The following CRACD variants were observed in gnomAD, a reference collection of about 807,000 sequenced individuals.
CRACD encodes capping protein inhibiting regulator of actin dynamics.
In CRACD, 56 loss-of-function variants were observed where a neutral mutation model predicts 106.8. The observed-to-expected ratio is 0.52, with a 90% CI of 0.42 to 0.66. The LOEUF is 0.66. CRACD is among the 30% of genes least tolerant of loss of function. The probability of loss-of-function intolerance (pLI) is 0.00; values close to 1 mark genes in which losing one functional copy is unlikely to be tolerated. For missense variants in CRACD, 1,730 were observed against 1,623.2 expected (o/e 1.07, Z -1.13); for synonymous variants, 754 against 670.8 (o/e 1.12, Z -1.92).
intron 1 of CRACD, among the ~76,000 whole-genome samples, chr4:56,050,953 CA>C (rs1348638621): frequency 1.3e-5 from 2 of 152,176 alleles, no homozygotes; most frequent in Admixed American, 1.3e-4. Flanking sequence ...GTGTGAGAAA[CA>C]AAAGCTAGCT....
intron 1 of CRACD, among the ~76,000 whole-genome samples, chr4:56,071,498 T>C (rs75484608): frequency 5.0e-5 from 5 of 100,684 alleles, no homozygotes; most frequent in African/African-American, 1.6e-4. Flanking sequence ...GTTGTATTTC[T>C]TTCTTTCTTT....
intron 2 of CRACD, among the ~76,000 whole-genome samples, chr4:56,189,573 G>T (rs1209417442): frequency 2.0e-5 from 2 of 100,010 alleles, no homozygotes. Flanking sequence ...AACAGTCCCT[G>T]GTGTGTGATG....
rs148034825 is a variant in CRACD at position 56,203,615 on chromosome 4, C to T, written c.-189+24185C>T. On this transcript the variant is annotated intron_variant, in intron 2 of 10. Coordinates refer to ENST00000682029, the MANE Select transcript of CRACD (RefSeq NM_001393381.1). ...TTGAGTAGTTTCTAACTCCTCAGCACTTTACTCTGGCATCCTCACCTCCAG... is the reference window on the plus strand; with the variant it reads ...TTGAGTAGTTTCTAACTCCTCAGCATTTTACTCTGGCATCCTCACCTCCAG... 4.1e-3 allele frequency among the ~76,000 whole-genome samples: 617 copies of T among 152,300 alleles called. 5 individuals are homozygous for T. The highest frequency in any genetic ancestry group is 0.014 in the African/African-American group (585 of 41,548).
rs775692731 is a variant in CRACD, at chr4:56,314,703, C to T, written c.1201C>T (p.Leu401=). The T allele has an allele frequency of 1.9e-6, 3 of 1,560,238 alleles. No homozygotes were observed. The highest frequency in any genetic ancestry group is 2.4e-5 in the South Asian group (2 of 84,812). ...EGRRGAEEED[L]GEEEEEGQAH... The stretch of plus-strand genomic sequence containing the variant: ...CCGGCGGGGCGCGGAGGAGGAGGAT[C>T]TGGGGGAAGAGGAGGAGGAGGGCCA... Residue 401 remains leucine (L), a synonymous_variant, in exon 8 of 11, where the codon CTG becomes TTG. Transcript: ENST00000682029. The surrounding 1 kb of genome is among the most constrained non-coding windows in gnomAD (Gnocchi z 4.4).
intron 2 of CRACD, among the ~76,000 whole-genome samples, chr4:56,258,751 A>ATTTG (rs1741517942): frequency 6.6e-6 from 1 of 152,152 alleles, no homozygotes; most frequent in Non-Finnish European, 1.5e-5. Flanking sequence ...CCAGAGGTCA[A>ATTTG]GTCTATACCA....
At chr4:56,082,014 A>T (rs754207825) in intron 1 of CRACD, among the ~76,000 whole-genome samples, 1 of 152,160 alleles carries the variant, frequency 6.6e-6, no homozygotes, top group Non-Finnish European at 1.5e-5. Flanking sequence ...AGGTGCTTAC[A>T]TTCTTTTGGG....
chr4:56,132,911 A>C (rs971263832), intron 1 of CRACD, among the ~76,000 whole-genome samples: 1 of 152,224 alleles, frequency 6.6e-6, no homozygotes, highest in Non-Finnish European at 1.5e-5. Flanking sequence ...ATATAGTGCT[A>C]CTTAGCTATT....
At chr4:56,183,474 CA>C (rs1180972952) in intron 2 of CRACD, among the ~76,000 whole-genome samples, 2 of 152,166 alleles carry the variant, frequency 1.3e-5, no homozygotes, top group Non-Finnish European at 2.9e-5. Context: ...AGGAAGGCTA[CA>C]CCAAAACAGA....
Position 56,189,441 on chromosome 4 carries a change from A to C in CRACD, c.-189+10011A>C, listed in dbSNP as rs184438304. Among the ~76,000 whole-genome samples, 666 of 152,106 alleles carry C rather than the reference A, an allele frequency of 4.4e-3. 2 individuals are homozygous for C. Among genetic ancestry groups the C allele is most frequent in the Non-Finnish European group, 7.3e-3 (495 of 67,994 alleles). On this transcript the variant is annotated intron_variant, in intron 2 of 10. Coordinates refer to ENST00000682029, the MANE Select transcript of CRACD (RefSeq NM_001393381.1). ...ACTTTAAGTTTTAGGGTACATGTGC[A>C]CAACCTGCAGGTTTGTTACATATGT...
intron 2 of CRACD, among the ~76,000 whole-genome samples, chr4:56,214,652 ACTCT>A (rs572003455): frequency 5.2e-4 from 53 of 101,858 alleles, no homozygotes; most frequent in East Asian, 1.6e-3. Flanking sequence ...AGAGCTAGAC[ACTCT>A]CTCTCTCTCT....
intron 3 of CRACD, among the ~76,000 whole-genome samples, chr4:56,280,299 GAAAAAAA>G (rs937794605): frequency 7.0e-6 from 1 of 141,934 alleles, no homozygotes; most frequent in Non-Finnish European, 1.6e-5. Context: ...ATAATAAAAA[GAAAAAAA>G]AAAAGAAAAG....
At chr4:56,122,816 C>T (rs965918380) in intron 1 of CRACD, among the ~76,000 whole-genome samples, 1 of 152,150 alleles carries the variant, frequency 6.6e-6, no homozygotes, top group South Asian at 2.1e-4. Flanking sequence ...ACCTTACATC[C>T]ATGGATGAAT....
At chr4:56,275,988 G>T (rs1742651301) in intron 3 of CRACD, among the ~76,000 whole-genome samples, 1 of 152,184 alleles carries the variant, frequency 6.6e-6, no homozygotes, top group Non-Finnish European at 1.5e-5. Flanking sequence ...TGAAATTCTA[G>T]AAATGTTCCC....
chr4:56,087,680 G>C (rs1324052654), intron 1 of CRACD, among the ~76,000 whole-genome samples: 1 of 152,074 alleles, frequency 6.6e-6, no homozygotes, highest in African/African-American at 2.4e-5. Flanking sequence ...CTTTTATCCA[G>C]ATGCCTACTG....
intron 2 of CRACD, among the ~76,000 whole-genome samples, chr4:56,182,960 C>T (rs1371674493): frequency 2.0e-5 from 3 of 149,648 alleles, no homozygotes; most frequent in South Asian, 2.1e-4. Flanking sequence ...TGGCTGGGTG[C>T]GGTGGCTCAT....
intron 1 of CRACD, among the ~76,000 whole-genome samples, chr4:56,084,901 C>T (rs111597174): frequency 6.6e-6 from 1 of 152,088 alleles, no homozygotes; most frequent in Non-Finnish European, 1.5e-5. Context: ...GTTAGGTGAT[C>T]GGATTGCATA....
At chr4:56,293,379 A>G (rs1490318107) in intron 3 of CRACD, among the ~76,000 whole-genome samples, 1 of 152,234 alleles carries the variant, frequency 6.6e-6, no homozygotes, top group African/African-American at 2.4e-5. Flanking sequence ...AATTAAAAGA[A>G]GCTCACACCC....
At chr4:56,318,770 G>T (rs1256912756) in intron 8 of CRACD, among the ~76,000 whole-genome samples, 1 of 152,188 alleles carries the variant, frequency 6.6e-6, no homozygotes, top group Non-Finnish European at 1.5e-5. Flanking sequence ...AAATTTGTCT[G>T]ACTGAACACC....
chr4:56,190,254 G>A (rs201582705), intron 2 of CRACD, among the ~76,000 whole-genome samples: 1 of 151,678 alleles, frequency 6.6e-6, no homozygotes, highest in African/African-American at 2.4e-5. Flanking sequence ...AGTCTTTGCT[G>A]TTGTGAATAG....
Sources: gnomAD v4.1 joint callset for allele counts (sites outside exome capture counted in the v4.1 genomes callset) on GRCh38, gnomAD v4.1.1 for gene constraint, Gnocchi (gnomAD v3.1) non-coding constraint, MANE v1.5 for transcripts, NCBI Gene and HGNC (gene_info 2026-07-23, HGNC 2026-07-21) for gene names.